Variants in MRTFA observed in about 807,000 individuals in gnomAD.
The protein encoded by MRTFA is myocardin-related transcription factor A.
In MRTFA, 20 loss-of-function variants were observed where a neutral mutation model predicts 83.5. The observed-to-expected ratio is 0.24, with a 90% CI of 0.17 to 0.35. The LOEUF is 0.35. Among genes scored for constraint, MRTFA ranks in the 10% least tolerant of loss-of-function variants. The pLI is 1.00. For missense variants in MRTFA, 1,200 were observed against 1,224.7 expected (o/e 0.98, Z 0.30); for synonymous variants, 659 against 541.2 (o/e 1.22, Z -3.02).
chr22:40,453,494 G>C (rs2053531395), intron 4 of MRTFA, among the ~76,000 whole-genome samples: 1 of 152,120 alleles, frequency 6.6e-6, no homozygotes. Context: ...AAACTTCTTT[G>C]ACACACAGGG....
intron 2 of MRTFA, among the ~76,000 whole-genome samples, chr22:40,555,655 G>A (rs1424994070): frequency 8.7e-6 from 1 of 114,650 alleles, no homozygotes; most frequent in East Asian, 2.7e-4. Context: ...TTTTTTTTTT[G>A]AGGCAGAGTC....
intron 3 of MRTFA, among the ~76,000 whole-genome samples, chr22:40,532,350 CACAT>C (rs1172186988): frequency 1.1e-4 from 16 of 152,180 alleles, no homozygotes; most frequent in African/African-American, 3.6e-4. Context: ...CACTTGCCCA[CACAT>C]AGCAGAGAAC....
At chr22:40,555,103 CTCAT>C (rs1462123913) in intron 2 of MRTFA, among the ~76,000 whole-genome samples, 1 of 152,210 alleles carries the variant, frequency 6.6e-6, no homozygotes, top group Non-Finnish European at 1.5e-5. Flanking sequence ...ATTTTACAGG[CTCAT>C]AGGTGGAAGG....
chr22:40,525,197 TATA>T (rs2054945889), intron 3 of MRTFA, among the ~76,000 whole-genome samples: 3 of 152,060 alleles, frequency 2.0e-5, no homozygotes, highest in African/African-American at 7.2e-5. Flanking sequence ...ATGGAAAAAA[TATA>T]ATGTCCCCTA....
intron 7 of MRTFA, among the ~76,000 whole-genome samples, chr22:40,426,544 A>G (rs1471576201): frequency 2.6e-5 from 4 of 152,086 alleles, no homozygotes; most frequent in African/African-American, 9.7e-5. Flanking sequence ...GTCCCCAACA[A>G]TCACCCCATT....
chr22:40,617,133 G>C (rs979254704), intron 1 of MRTFA, among the ~76,000 whole-genome samples: 2 of 135,400 alleles, frequency 1.5e-5, no homozygotes, highest in Non-Finnish European at 3.1e-5. Flanking sequence ...AAGAAAGAGA[G>C]AGACGAGAGA....
At chr22:40,476,162 G>C (rs1287093693) in intron 3 of MRTFA, among the ~76,000 whole-genome samples, 1 of 151,534 alleles carries the variant, frequency 6.6e-6, no homozygotes, top group Admixed American at 6.6e-5. Context: ...AAAAGGGGGG[G>C]GGTCTTGAAA....
In MRTFA at chr22:40,410,599, G is replaced by A; in HGVS notation, c.*791C>T. 4.3e-6 allele frequency: 1 copy of A among 233,462 alleles called. No homozygotes were observed. Among genetic ancestry groups the A allele is most frequent in the Non-Finnish European group, 8.5e-6 (1 of 117,882 alleles). 14.5% of individuals were successfully genotyped at this position (233,462 alleles called of 1,614,324 possible). On this transcript the variant is annotated 3_prime_UTR_variant, in exon 15 of 15. Transcript: ENST00000355630. ...GCACTGATAAGGAGCCAGGAAGCAG[G>A]GCAGGTGGGGCATAGGCCGTGGCAG...
intron 3 of MRTFA, among the ~76,000 whole-genome samples, chr22:40,539,266 T>C (rs901228334): frequency 1.3e-4 from 20 of 151,792 alleles, no homozygotes; most frequent in African/African-American, 3.6e-4. Context: ...TCCCAACGTG[T>C]TGGGAATCCA....
intron 1 of MRTFA, among the ~76,000 whole-genome samples, chr22:40,613,606 A>T (rs1305454641): frequency 6.6e-6 from 1 of 152,076 alleles, no homozygotes; most frequent in East Asian, 1.9e-4. Context: ...CTGTAATCCC[A>T]ACACTTTGGG....
At chr22:40,535,657 T>G (rs2055159171) in intron 3 of MRTFA, among the ~76,000 whole-genome samples, 1 of 152,172 alleles carries the variant, frequency 6.6e-6, no homozygotes, top group African/African-American at 2.4e-5. Context: ...CTGGTCTTTG[T>G]TAAATTTACT....
chr22:40,630,690 T>C (rs2056632555), intron 1 of MRTFA, among the ~76,000 whole-genome samples: 1 of 152,230 alleles, frequency 6.6e-6, no homozygotes, highest in African/African-American at 2.4e-5. Flanking sequence ...AGAAGTTTCT[T>C]ATAATTAACT....
intron 2 of MRTFA, among the ~76,000 whole-genome samples, chr22:40,576,835 C>G (rs1183849639): frequency 6.6e-6 from 1 of 152,196 alleles, no homozygotes; most frequent in Admixed American, 6.5e-5. Flanking sequence ...AATCCCAACA[C>G]TTTGAAAGGC....
At chr22:40,572,991 T>TA (rs2147347933) in intron 2 of MRTFA, among the ~76,000 whole-genome samples, 1 of 152,294 alleles carries the variant, frequency 6.6e-6, no homozygotes, top group Admixed American at 6.5e-5. Context: ...CTGAAAGCAC[T>TA]ATGCTAACTG....
intron 3 of MRTFA, among the ~76,000 whole-genome samples, chr22:40,516,422 G>GAAA (rs56745896): frequency 1.1e-3 from 52 of 46,962 alleles, no homozygotes; most frequent in Non-Finnish European, 1.7e-3. Context: ...ACTGCCTCAA[G>GAAA]AAAAAAAAAA....
chr22:40,455,803 A>AGTATGTATGTAT (rs3044520), intron 4 of MRTFA, among the ~76,000 whole-genome samples: 21,663 of 143,194 alleles, frequency 0.15, 1,860 homozygotes, highest in Non-Finnish European at 0.18. Flanking sequence ...ATGGTATCCC[A>AGTATGTATGTAT]GTATGTATGT....
chr22:40,588,882 T>A (rs1020822404), intron 2 of MRTFA, among the ~76,000 whole-genome samples: 35 of 152,222 alleles, frequency 2.3e-4, no homozygotes, highest in African/African-American at 8.4e-4. Context: ...CCGAGGAGGC[T>A]GAGGCAGGAT....
At chr22:40,597,311 C>T (rs190801215) in intron 1 of MRTFA, among the ~76,000 whole-genome samples, 9 of 152,276 alleles carry the variant, frequency 5.9e-5, no homozygotes, top group African/African-American at 1.9e-4. Context: ...ACGTCTGCTA[C>T]GTAATTACAC....
chr22:40,571,171 C>T (rs977602657), intron 2 of MRTFA, among the ~76,000 whole-genome samples: 1 of 151,482 alleles, frequency 6.6e-6, no homozygotes, highest in Admixed American at 6.6e-5. Flanking sequence ...GATTGTGCCA[C>T]TGCATAGTAT....
Sources: gnomAD v4.1 joint callset for allele counts (sites outside exome capture counted in the v4.1 genomes callset) on GRCh38, gnomAD v4.1.1 for gene constraint, MANE v1.5 for transcripts, NCBI Gene and HGNC (gene_info 2026-07-23, HGNC 2026-07-21) for gene names.